ANK2: variants seen among roughly 807,000 people sequenced by gnomAD.
The protein encoded by ANK2 is ankyrin 2.
ANK2 carries 83 observed loss-of-function variants against 360.5 expected under a neutral mutation model. That is an observed-to-expected ratio of 0.23 (90% CI 0.19 to 0.28). The LOEUF (loss-of-function observed/expected upper bound fraction) is 0.28. Ranked by LOEUF, ANK2 falls within the 10% of genes least tolerant of loss-of-function variation. The pLI, the probability that ANK2 is intolerant of heterozygous loss-of-function variation, is 1.00. For synonymous variants in ANK2, 1,740 were observed against 1,759.5 expected (o/e 0.99, Z 0.28); for missense variants, 4,201 against 4,795.7 (o/e 0.88, Z 3.66).
rs1444085101 is a variant in ANK2, at chr4:112,936,249, T to C, written c.21+31735T>C. 2.0e-5 allele frequency among the ~76,000 whole-genome samples: 3 copies of C among 152,304 alleles called. No individual in the cohort carries two copies. The East Asian group carries it at 5.8e-4, about 29-fold the overall frequency. Reference sequence around the variant, plus strand: ...GGCTGATGACTTGGGAAGTTAAGTGTAAAGAGCTCTGGGATGTGAGAAGTA... The same window carrying C: ...GGCTGATGACTTGGGAAGTTAAGTGCAAAGAGCTCTGGGATGTGAGAAGTA... On this transcript the variant is annotated intron_variant, in intron 2 of 30. Transcript: ENST00000503271.
At chr4:112,980,604 T>C (rs1206925870) in intron 2 of ANK2, 1 of 152,240 alleles carries the variant, frequency 6.6e-6, no homozygotes, top group Non-Finnish European at 1.5e-5. Flanking sequence ...CCTTCTTAAC[T>C]ATGTCCTTTA....
At chr4:113,156,371 C>CTTTTTTT (rs150536846) in intron 1 of ANK2, among the ~76,000 whole-genome samples, 45 of 128,474 alleles carry the variant, frequency 3.5e-4, no homozygotes, top group African/African-American at 4.4e-4. Context: ...TAGAAAAATT[C>CTTTTTTT]TTTTTTTTTT....
chr4:112,802,705 A>G, the ANK2 span, among the ~76,000 whole-genome samples: 1 of 152,222 alleles, frequency 6.6e-6, no homozygotes. Flanking sequence ...TTGAAAAAAT[A>G]CTTGAAGTGA....
At chr4:113,364,007 T>A (rs2096391904) in intron 40 of ANK2, among the ~76,000 whole-genome samples, 1 of 152,202 alleles carries the variant, frequency 6.6e-6, no homozygotes, top group African/African-American at 2.4e-5. Context: ...CACAAATGCA[T>A]GAAATAAATG....
chr4:113,187,084 TAA>T (rs34551394), intron 2 of ANK2, among the ~76,000 whole-genome samples: 124 of 144,266 alleles, frequency 8.6e-4, no homozygotes, highest in African/African-American at 2.8e-3. Flanking sequence ...TGTCATTACT[TAA>T]AAAAAAAAAA....
chr4:113,031,214 A>G (rs1012444937), intron 2 of ANK2: 5 of 152,102 alleles, frequency 3.3e-5, no homozygotes, highest in Admixed American at 1.3e-4. Flanking sequence ...GGGAAGAGCT[A>G]TACAACATTA....
At chr4:112,748,212 A>G in the ANK2 span, among the ~76,000 whole-genome samples, 2 of 152,354 alleles carry the variant, frequency 1.3e-5, no homozygotes, top group South Asian at 4.1e-4. Context: ...GAACACCACC[A>G]AATGTGCCTA....
chr4:113,249,693 A>C, intron 9 of ANK2, 71 bp from the exon 10 acceptor site: 1 of 1,411,674 alleles, frequency 7.1e-7, no homozygotes, highest in East Asian at 2.3e-5. Flanking sequence ...CTCCCTCTTT[A>C]TGGTTGCAAT....
intron 2 of ANK2, among the ~76,000 whole-genome samples, chr4:112,914,404 T>C (rs541056662): frequency 1.3e-5 from 2 of 152,088 alleles, no homozygotes. Flanking sequence ...GCAGATCACT[T>C]GAGGCCAGGA....
At chr4:112,962,893 T>C (rs1404567873) in intron 2 of ANK2, among the ~76,000 whole-genome samples, 4 of 152,198 alleles carry the variant, frequency 2.6e-5, no homozygotes, top group African/African-American at 9.6e-5. Context: ...TTATTTTCTC[T>C]GGGAATCTCC....
At chr4:113,011,966 T>A (rs978006433) in intron 2 of ANK2, among the ~76,000 whole-genome samples, 8 of 152,078 alleles carry the variant, frequency 5.3e-5, no homozygotes, top group Admixed American at 1.3e-4. Context: ...TGTAGCTGAG[T>A]TGAGGGTTAT....
intron 1 of ANK2, among the ~76,000 whole-genome samples, chr4:113,118,131 A>C (rs2095015730): frequency 6.6e-6 from 1 of 152,196 alleles, no homozygotes; most frequent in Non-Finnish European, 1.5e-5. Context: ...TTCTCTTAAA[A>C]TATTGTTTTC....
chr4:113,099,928 A>G (rs2092522140), intron 1 of ANK2, among the ~76,000 whole-genome samples: 1 of 152,092 alleles, frequency 6.6e-6, no homozygotes, highest in African/African-American at 2.4e-5. Flanking sequence ...CATGCGACAA[A>G]AAGTGAATCT....
upstream of ANK2, among the ~76,000 whole-genome samples, chr4:113,046,634 C>G (rs1385658812): frequency 1.3e-5 from 2 of 152,096 alleles, no homozygotes; most frequent in East Asian, 3.9e-4. Context: ...AGTGAGCCTG[C>G]TGGTGCCTTG....
chr4:113,164,897 T>C (rs2097697587), intron 1 of ANK2, among the ~76,000 whole-genome samples: 2 of 152,228 alleles, frequency 1.3e-5, no homozygotes, highest in Non-Finnish European at 2.9e-5. Flanking sequence ...ATAGAGAATA[T>C]TTCTTAAAGA....
intron 2 of ANK2, among the ~76,000 whole-genome samples, chr4:112,923,100 C>T (rs750494287): frequency 3.0e-4 from 45 of 152,034 alleles, no homozygotes; most frequent in Non-Finnish European, 4.7e-4. Flanking sequence ...GTAGTGGACA[C>T]ATTATTCTAT....
At chr4:112,725,002 G>A in the ANK2 span, among the ~76,000 whole-genome samples, 8 of 152,226 alleles carry the variant, frequency 5.3e-5, no homozygotes, top group Middle Eastern at 3.4e-3. Context: ...ACATTCAGCC[G>A]GGTGCCGTGG....
intron 20 of ANK2, among the ~76,000 whole-genome samples, chr4:113,289,820 T>A (rs1339852600): frequency 6.6e-6 from 1 of 152,216 alleles, no homozygotes; most frequent in East Asian, 1.9e-4. Flanking sequence ...TAAGTTCTCA[T>A]GAAATTGAAC....
chr4:113,361,120 G>T (rs2154039030), intron 39 of ANK2, among the ~76,000 whole-genome samples: 1 of 152,280 alleles, frequency 6.6e-6, no homozygotes, highest in East Asian at 1.9e-4. Flanking sequence ...CTTTCTATTT[G>T]AAGATTTAGA....
Sources: gnomAD v4.1 joint callset for allele counts (sites outside exome capture counted in the v4.1 genomes callset) on GRCh38, gnomAD v4.1.1 for gene constraint, MANE v1.5 for transcripts, NCBI Gene and HGNC (gene_info 2026-07-23, HGNC 2026-07-21) for gene names.